RALYL: variants seen among roughly 807,000 people sequenced by gnomAD.
The protein encoded by RALYL is RALY RNA binding protein like, also known as RNA-binding Raly-like protein.
A neutral mutation model predicts 35.1 loss-of-function variants in RALYL; 29 were observed. That is an observed-to-expected ratio of 0.83 (90% CI 0.61 to 1.13). The LOEUF (loss-of-function observed/expected upper bound fraction) is 1.13. Ranked by LOEUF, RALYL falls within the 50% of genes most tolerant of loss-of-function variation. RALYL has a pLI of 0.00. For missense variants in RALYL, 359 were observed against 360.4 expected, an observed-to-expected ratio of 1.00 and a Z score of 0.03; for synonymous variants, 120 against 127.6, an observed-to-expected ratio of 0.94 and a Z score of 0.40.
intron 2 of RALYL, among the ~76,000 whole-genome samples, chr8:84,693,837 C>T (rs1000219294): frequency 4.0e-5 from 6 of 151,394 alleles, no homozygotes; most frequent in Admixed American, 1.3e-4. Context: ...TGTGATTCAC[C>T]GTATTAACAT....
chr8:84,575,641 A>G (rs1433202341), intron 2 of RALYL, among the ~76,000 whole-genome samples: 2 of 152,170 alleles, frequency 1.3e-5, no homozygotes, highest in Non-Finnish European at 2.9e-5. Flanking sequence ...TGATAGATTC[A>G]GACATGGACA....
chr8:84,795,322 GT>G (rs1206153496), intron 3 of RALYL, among the ~76,000 whole-genome samples: 1 of 152,164 alleles, frequency 6.6e-6, no homozygotes, highest in East Asian at 1.9e-4. Flanking sequence ...GACTGCCTGA[GT>G]TATCACCCTG....
intron 2 of RALYL, among the ~76,000 whole-genome samples, chr8:84,625,881 G>T (rs1030606314): frequency 6.6e-6 from 1 of 152,172 alleles, no homozygotes; most frequent in Non-Finnish European, 1.5e-5. Flanking sequence ...ACAGAAGAGT[G>T]TCATGGTCAA....
chr8:84,319,435 G>T (rs73306943), intron 1 of RALYL, among the ~76,000 whole-genome samples: 7,196 of 152,148 alleles, frequency 0.047, 264 homozygotes, highest in African/African-American at 0.083. Flanking sequence ...TAAAGTGCAT[G>T]TATTTTGTGA....
chr8:84,823,248 A>G (rs368717211), intron 4 of RALYL, among the ~76,000 whole-genome samples: 1 of 152,200 alleles, frequency 6.6e-6, no homozygotes, highest in African/African-American at 2.4e-5. Flanking sequence ...AGACAAGACT[A>G]CATCTTTGCC....
intron 2 of RALYL, among the ~76,000 whole-genome samples, chr8:84,685,686 T>C (rs963382394): frequency 6.6e-6 from 1 of 152,148 alleles, no homozygotes; most frequent in African/African-American, 2.4e-5. Flanking sequence ...ACAGGGCTAA[T>C]GATCAAATGG....
chr8:84,549,755 A>T (rs2060596000), intron 2 of RALYL, among the ~76,000 whole-genome samples: 1 of 152,150 alleles, frequency 6.6e-6, no homozygotes. Context: ...AGTCTAGGGT[A>T]GGGAGGGCAG....
At chr8:84,642,572 C>T (rs756692753) in intron 2 of RALYL, among the ~76,000 whole-genome samples, 1 of 151,944 alleles carries the variant, frequency 6.6e-6, no homozygotes, top group Non-Finnish European at 1.5e-5. Flanking sequence ...ACCATTTGAG[C>T]TCTGAATTTT....
chr8:84,837,456 T>C (rs1832250398), intron 4 of RALYL, among the ~76,000 whole-genome samples: 1 of 152,196 alleles, frequency 6.6e-6, no homozygotes, highest in African/African-American at 2.4e-5. Flanking sequence ...GATTATATTT[T>C]AATGAAGTTC....
intron 2 of RALYL, among the ~76,000 whole-genome samples, chr8:84,701,877 C>A (rs567287287): frequency 2.6e-5 from 4 of 152,282 alleles, no homozygotes; most frequent in African/African-American, 4.8e-5. Context: ...CTGTTTCCTG[C>A]ACAACTACTC....
chr8:84,495,830 A>G (rs2055944986), intron 1 of RALYL, among the ~76,000 whole-genome samples: 2 of 152,126 alleles, frequency 1.3e-5, no homozygotes, highest in Non-Finnish European at 2.9e-5. Flanking sequence ...TTCAGATGTA[A>G]CAAGGATAGC....
chr8:84,552,338 GTATATATATATA>G (rs779399854), intron 2 of RALYL, among the ~76,000 whole-genome samples: 1,482 of 73,838 alleles, frequency 0.02, 42 homozygotes, highest in Middle Eastern at 0.064. Flanking sequence ...GGATGTGTGT[GTATATATATATA>G]TATATATATT....
At chr8:84,603,152 A>G (rs1816338632) in intron 2 of RALYL, among the ~76,000 whole-genome samples, 2 of 152,224 alleles carry the variant, frequency 1.3e-5, no homozygotes, top group South Asian at 4.1e-4. Context: ...ATGAAGAGGT[A>G]AAGAATCTGG....
chr8:84,479,322 C>A (rs973342658), intron 1 of RALYL, among the ~76,000 whole-genome samples: 1 of 151,972 alleles, frequency 6.6e-6, no homozygotes, highest in Middle Eastern at 3.2e-3. Flanking sequence ...CAATATTTTT[C>A]TCTTCCTTTC....
chr8:84,798,466 T>A (rs1353711274), intron 3 of RALYL, among the ~76,000 whole-genome samples: 2 of 152,254 alleles, frequency 1.3e-5, no homozygotes. Flanking sequence ...GGTCTACTAT[T>A]ATTTCCATTT....
intron 3 of RALYL, among the ~76,000 whole-genome samples, chr8:84,789,669 G>A (rs1157251523): frequency 2.0e-5 from 3 of 152,046 alleles, no homozygotes; most frequent in Admixed American, 6.6e-5. Flanking sequence ...ACCAGCTTGG[G>A]CAACATGGTG....
chr8:84,615,187 A>G (rs1016315175), intron 2 of RALYL, among the ~76,000 whole-genome samples: 37 of 151,878 alleles, frequency 2.4e-4, no homozygotes, highest in Admixed American at 2.0e-3. Context: ...ATGAATTGTT[A>G]CTTTTTTGCT....
intron 1 of RALYL, among the ~76,000 whole-genome samples, chr8:84,220,052 G>T (rs1419057799): frequency 6.6e-6 from 1 of 151,794 alleles, no homozygotes; most frequent in African/African-American, 2.4e-5. Flanking sequence ...GTTCTACTAG[G>T]GTACTCAGCA....
At chr8:84,782,850 A>G (rs1471509316) in intron 3 of RALYL, among the ~76,000 whole-genome samples, 2 of 152,128 alleles carry the variant, frequency 1.3e-5, no homozygotes, top group Non-Finnish European at 2.9e-5. Flanking sequence ...AAGTTGAAGT[A>G]TCTTCATTGT....
Sources: allele counts gnomAD v4.1 joint callset (sites outside exome capture counted in the v4.1 genomes callset), GRCh38; gene constraint gnomAD v4.1.1; transcripts MANE v1.5; gene names NCBI Gene and HGNC (gene_info 2026-07-23, HGNC 2026-07-21).